The following ASTN2 variants were observed in gnomAD, a reference collection of about 807,000 sequenced individuals.
ASTN2 encodes astrotactin 2.
A neutral mutation model predicts 139.8 loss-of-function variants in ASTN2; 54 were observed. The ratio of observed to expected loss-of-function variants is 0.39; its 90% CI spans 0.31 to 0.48. The LOEUF is 0.48. Among genes scored for constraint, ASTN2 ranks in the 20% least tolerant of loss-of-function variants. The pLI is 0.95. For missense variants in ASTN2, 1,565 were observed against 1,725.1 expected (o/e 0.91, Z 1.64); for synonymous variants, 756 against 719.5 (o/e 1.05, Z -0.81).
At chr9:116,511,384 G>A (rs1694500468) in intron 19 of ASTN2, among the ~76,000 whole-genome samples, 1 of 152,184 alleles carries the variant, frequency 6.6e-6, no homozygotes, top group Non-Finnish European at 1.5e-5. Context: ...GTTTTTTGAT[G>A]TGCTGCTGAA....
At position 117,156,057 on chromosome 9, in the gene ASTN2, A is replaced by T. The variant is rs1410349601; in HGVS notation, c.1016-14579T>A. ...GGAAGATTGTAATGGTATCATGAGG[A>T]ACTACAAGACTCTAAGGGAGTAGAA... On this transcript the variant is annotated intron_variant, in intron 3 of 22. Transcript: ENST00000313400. Among the ~76,000 whole-genome samples, 3 of 152,150 alleles carry T rather than the reference A, an allele frequency of 2.0e-5. 1 individual carries two copies. In the South Asian group the frequency reaches 6.2e-4, roughly 32 times the overall value.
At chr9:116,948,708 T>TGTGTGA (rs1320986181) in intron 10 of ASTN2, among the ~76,000 whole-genome samples, 1 of 148,924 alleles carries the variant, frequency 6.7e-6, no homozygotes, top group Non-Finnish European at 1.5e-5. Context: ...AGTGTGTGTG[T>TGTGTGA]GTGTGTGTGT....
chr9:116,554,718 T>TA (rs1462060614), intron 19 of ASTN2, among the ~76,000 whole-genome samples: 5 of 152,188 alleles, frequency 3.3e-5, no homozygotes, highest in Non-Finnish European at 7.3e-5. Flanking sequence ...TATTGATTTT[T>TA]AGAGTTATCT....
chr9:116,713,114 T>C (rs1445440352), intron 16 of ASTN2, among the ~76,000 whole-genome samples: 1 of 152,170 alleles, frequency 6.6e-6, no homozygotes, highest in Non-Finnish European at 1.5e-5. Flanking sequence ...TATTATTAAC[T>C]AATGGTTCTC....
chr9:116,835,715 C>G (rs1005517305), intron 11 of ASTN2, among the ~76,000 whole-genome samples: 1 of 152,168 alleles, frequency 6.6e-6, no homozygotes, highest in African/African-American at 2.4e-5. Context: ...GTGTCACAGG[C>G]CGTGGTCACT....
chr9:117,180,928 G>A (rs1219797200), intron 3 of ASTN2: 3 of 1,595,202 alleles, frequency 1.9e-6, no homozygotes, highest in Middle Eastern at 1.8e-4. Context: ...CTGCAGCTTG[G>A]TGTGGATGGA....
At chr9:117,347,494 A>G (rs992568331) in intron 1 of ASTN2, among the ~76,000 whole-genome samples, 5 of 151,734 alleles carry the variant, frequency 3.3e-5, no homozygotes, top group Admixed American at 3.3e-4. Context: ...CTTATCATTA[A>G]CCTCATTTTA....
chr9:116,942,378 C>G (rs967768755), intron 10 of ASTN2, among the ~76,000 whole-genome samples: 15 of 152,300 alleles, frequency 9.8e-5, no homozygotes, highest in African/African-American at 2.6e-4. Context: ...GCCTGGCCTT[C>G]CTACCTCCTT....
At chr9:117,151,179 A>G (rs544735981) in intron 3 of ASTN2, among the ~76,000 whole-genome samples, 148 of 152,252 alleles carry the variant, frequency 9.7e-4, no homozygotes, top group Non-Finnish European at 1.5e-3. Flanking sequence ...AAGAAAAAAA[A>G]ACAAGTAACA....
chr9:117,071,591 C>T (rs532351845), intron 5 of ASTN2, among the ~76,000 whole-genome samples: 36 of 150,286 alleles, frequency 2.4e-4, no homozygotes, highest in African/African-American at 2.4e-4. Context: ...TGGGCAATGG[C>T]GGGCGCCCCT....
At chr9:116,820,596 G>A (rs1831458726) in intron 12 of ASTN2, 21 bp downstream of exon 12, 1 of 1,609,336 alleles carries the variant, frequency 6.2e-7, no homozygotes, top group Middle Eastern at 1.7e-4. Context: ...GGGCACCTGG[G>A]CCTTGGGGAC....
chr9:117,234,713 T>G (rs952166525), intron 2 of ASTN2, among the ~76,000 whole-genome samples: 12 of 152,166 alleles, frequency 7.9e-5, no homozygotes, highest in African/African-American at 2.7e-4. Flanking sequence ...AAAAGGACTC[T>G]TTCATTCTGC....
chr9:116,722,160 G>C (rs1045808055), intron 16 of ASTN2, among the ~76,000 whole-genome samples: 1 of 152,140 alleles, frequency 6.6e-6, no homozygotes, highest in African/African-American at 2.4e-5. Flanking sequence ...TAACAAAAAT[G>C]ATGAAATATT....
intron 16 of ASTN2, among the ~76,000 whole-genome samples, chr9:116,707,113 A>G (rs1424724305): frequency 6.6e-6 from 1 of 151,762 alleles, no homozygotes; most frequent in East Asian, 1.9e-4. Flanking sequence ...GGCGTACTCA[A>G]AAGAAACAGT....
intron 10 of ASTN2, among the ~76,000 whole-genome samples, chr9:116,941,682 A>G (rs1238361116): frequency 6.6e-6 from 1 of 152,152 alleles, no homozygotes; most frequent in African/African-American, 2.4e-5. Context: ...TATAGTTGAC[A>G]TATAAAATTA....
At chr9:116,666,078 A>G (rs1247313025) in intron 16 of ASTN2, among the ~76,000 whole-genome samples, 2 of 152,220 alleles carry the variant, frequency 1.3e-5, no homozygotes, top group East Asian at 1.9e-4. Flanking sequence ...ATTTCTAATA[A>G]AAGAATAGAT....
chr9:116,464,684 C>T (rs746309592), intron 20 of ASTN2, among the ~76,000 whole-genome samples: 6 of 152,152 alleles, frequency 3.9e-5, no homozygotes, highest in Admixed American at 2.6e-4. Flanking sequence ...ATATTGAGTT[C>T]TGTGTGCCAG....
At chr9:116,644,778 C>T (rs1179981741) in intron 17 of ASTN2, among the ~76,000 whole-genome samples, 1 of 152,162 alleles carries the variant, frequency 6.6e-6, no homozygotes, top group Non-Finnish European at 1.5e-5. Flanking sequence ...GGCATTGTCT[C>T]TGAATGGGAA....
Position 116,956,553 on chromosome 9 carries a change from A to G in ASTN2, c.1889+18655T>C, listed in dbSNP as rs114752015. The stretch of plus-strand genomic sequence containing the variant: ...ATATTGCCACTTCTTTCAGCATTGT[A>G]CTGGAGGTTTTAGTCATGGAAATTA... On this transcript the variant is annotated intron_variant, in intron 10 of 22. Coordinates refer to ENST00000313400, the MANE Select transcript of ASTN2 (RefSeq NM_001365068.1). 4.4e-3 allele frequency among the ~76,000 whole-genome samples: 672 copies of G among 151,200 alleles called. 5 individuals are homozygous for G. The highest frequency in any genetic ancestry group is 0.016 in the African/African-American group (654 of 41,370).
Sources: gnomAD v4.1 joint callset for allele counts (sites outside exome capture counted in the v4.1 genomes callset) on GRCh38, gnomAD v4.1.1 for gene constraint, MANE v1.5 for transcripts, NCBI Gene and HGNC (gene_info 2026-07-23, HGNC 2026-07-21) for gene names.